The following AGFG1 variants were observed in gnomAD, a reference collection of about 807,000 sequenced individuals.
The protein encoded by AGFG1 is ArfGAP with FG repeats 1, also known as arf-GAP domain and FG repeat-containing protein 1.
In AGFG1, 10 loss-of-function variants were observed where a neutral mutation model predicts 60.6. The ratio of observed to expected loss-of-function variants is 0.16; its 90% CI spans 0.10 to 0.28. The LOEUF (loss-of-function observed/expected upper bound fraction) is 0.28, where lower values mean the gene tolerates loss of function less well. Ranked by LOEUF, AGFG1 falls within the 10% of genes least tolerant of loss-of-function variation. The pLI, the probability that AGFG1 is intolerant of heterozygous loss-of-function variation, is 1.00. For missense variants in AGFG1, 537 were observed against 676.5 expected (o/e 0.79, Z 2.29); for synonymous variants, 247 against 242.9 (o/e 1.02, Z -0.16).
intron 1 of AGFG1, among the ~76,000 whole-genome samples, chr2:227,490,657 C>T (rs1261633329): frequency 1.3e-5 from 2 of 151,896 alleles, no homozygotes; most frequent in African/African-American, 2.4e-5. Context: ...GAACATGACC[C>T]CAAAGTAGTT....
chr2:227,473,955 GGATGCAAAAGTAA>G (rs1238976980), intron 1 of AGFG1, among the ~76,000 whole-genome samples: 2 of 152,122 alleles, frequency 1.3e-5, no homozygotes, highest in African/African-American at 4.8e-5. Context: ...AGTCCAGTGG[GGATGCAAAAGTAA>G]GAAAAATGTC....
intron 1 of AGFG1, among the ~76,000 whole-genome samples, chr2:227,490,815 C>T (rs1690792155): frequency 6.6e-6 from 1 of 152,058 alleles, no homozygotes; most frequent in African/African-American, 2.4e-5. Flanking sequence ...TTTTCATGTG[C>T]GTGTTCAAAC....
chr2:227,504,896 G>T (rs1458126449), intron 2 of AGFG1, among the ~76,000 whole-genome samples: 1 of 152,068 alleles, frequency 6.6e-6, no homozygotes. Context: ...AAAGGAGTGT[G>T]TTTTCTGAAG....
At chr2:227,486,928 A>G (rs1452877140) in intron 1 of AGFG1, among the ~76,000 whole-genome samples, 2 of 152,208 alleles carry the variant, frequency 1.3e-5, no homozygotes, top group African/African-American at 2.4e-5. Context: ...GCTGCTCAAC[A>G]TCGTACAATG....
chr2:227,503,557 C>T (rs1291426919), intron 2 of AGFG1, among the ~76,000 whole-genome samples: 1 of 152,172 alleles, frequency 6.6e-6, no homozygotes, highest in Non-Finnish European at 1.5e-5. Flanking sequence ...TCTCTCCCTT[C>T]CTTCCTCATT....
chr2:227,524,914 A>C lies in AGFG1; in HGVS notation c.693A>C (p.Ala231=). ...FANFAHFNSH[A]AQNSANADFA... is the part of the protein sequence containing the mutation. ...ACTTTGCACATTTCAACAGTCATGC[A>C]GGTAAGTGTTTTTTCCCAACAGCTT... is the stretch of plus-strand genomic sequence containing the variant. Residue 231 remains alanine (A), a splice_region_variant and synonymous_variant, in exon 5 of 13, where the codon GCA becomes GCC. Coordinates refer to ENST00000310078, the MANE Select transcript of AGFG1 (RefSeq NM_004504.5). 1 of 1,613,996 alleles carries C rather than the reference A, an allele frequency of 6.2e-7. No individual in the cohort carries two copies. Among genetic ancestry groups the C allele is most frequent in the Non-Finnish European group, 8.5e-7 (1 of 1,179,888 alleles).
At chr2:227,478,993 C>A (rs999104676) in intron 1 of AGFG1, among the ~76,000 whole-genome samples, 1 of 152,136 alleles carries the variant, frequency 6.6e-6, no homozygotes, top group Non-Finnish European at 1.5e-5. Context: ...AAGTACTGTA[C>A]CAACTATATT....
intron 5 of AGFG1, among the ~76,000 whole-genome samples, chr2:227,529,740 C>A (rs1692105963): frequency 6.6e-6 from 1 of 152,060 alleles, no homozygotes; most frequent in Admixed American, 6.6e-5. Flanking sequence ...ACTGTAGGAT[C>A]TAAACCCAAC....
At chr2:227,491,663 TGCAATTTTTGAC>T in intron 2 of AGFG1, 23 bp downstream of exon 2, 1 of 1,025,040 alleles carries the variant, frequency 9.8e-7, no homozygotes, top group Non-Finnish European at 1.4e-6. Flanking sequence ...TTTTTTTTTT[TGCAATTTTTGAC>T]TTTTTTGTTG....
At chr2:227,487,063 C>T (rs756281560) in intron 1 of AGFG1, among the ~76,000 whole-genome samples, 16 of 152,118 alleles carry the variant, frequency 1.1e-4, no homozygotes, top group Non-Finnish European at 1.9e-4. Context: ...ACAGGATTTG[C>T]GAGGGAAGGT....
chr2:227,520,790 G>A (rs1486892389), intron 3 of AGFG1, among the ~76,000 whole-genome samples: 1 of 152,164 alleles, frequency 6.6e-6, no homozygotes, highest in Non-Finnish European at 1.5e-5. Context: ...TTCTTTAATA[G>A]TATTGCATAG....
chr2:227,491,450 G>C, intron 1 of AGFG1, 97 bp from the exon 2 acceptor site: 1 of 722,230 alleles, frequency 1.4e-6, no homozygotes, highest in Non-Finnish European at 2.3e-6. Context: ...ACTGTTTCAA[G>C]TTTGTGTGTT....
intron 1 of AGFG1, among the ~76,000 whole-genome samples, chr2:227,478,318 C>A (rs1444039346): frequency 1.3e-5 from 2 of 150,080 alleles, no homozygotes; most frequent in African/African-American, 2.4e-5. Flanking sequence ...ATATATTTAG[C>A]AAGCATAGGT....
intron 2 of AGFG1, among the ~76,000 whole-genome samples, chr2:227,505,570 TA>T (rs1292405796): frequency 6.6e-6 from 1 of 152,186 alleles, no homozygotes; most frequent in East Asian, 1.9e-4. Flanking sequence ...ACTCTTCTGT[TA>T]TCTCTAAGCT....
chr2:227,509,052 A>G (rs1691414364), intron 2 of AGFG1, among the ~76,000 whole-genome samples: 1 of 152,208 alleles, frequency 6.6e-6, no homozygotes. Flanking sequence ...AAACATGTAG[A>G]AAACAGTCTC....
intron 2 of AGFG1, 45 bp downstream of exon 2, chr2:227,491,685 G>C (rs889288065): frequency 8.3e-7 from 1 of 1,209,444 alleles, no homozygotes; most frequent in Admixed American, 2.5e-5. Context: ...CTTTTTTGTT[G>C]GCAGTCATTT....
chr2:227,496,051 G>A (rs993551750), intron 2 of AGFG1, among the ~76,000 whole-genome samples: 2 of 150,022 alleles, frequency 1.3e-5, no homozygotes, highest in Non-Finnish European at 1.5e-5. Flanking sequence ...CTGGGAGGTG[G>A]AGGTTACAGT....
intron 3 of AGFG1, among the ~76,000 whole-genome samples, chr2:227,522,931 T>G (rs1691866276): frequency 6.6e-6 from 1 of 152,220 alleles, no homozygotes; most frequent in Non-Finnish European, 1.5e-5. Flanking sequence ...AGTTTCCTCT[T>G]TCCATGTCAA....
chr2:227,534,292 G>A (rs1692244767), intron 7 of AGFG1, among the ~76,000 whole-genome samples: 1 of 152,050 alleles, frequency 6.6e-6, no homozygotes, highest in Admixed American at 6.6e-5. Flanking sequence ...TGATCTCTGG[G>A]CCTGTTTTCC....
Sources: allele counts gnomAD v4.1 joint callset (sites outside exome capture counted in the v4.1 genomes callset), GRCh38; gene constraint gnomAD v4.1.1; transcripts MANE v1.5; gene names NCBI Gene and HGNC (gene_info 2026-07-23, HGNC 2026-07-21).